Variants in FNIP1 observed in about 807,000 individuals in gnomAD.
FNIP1 encodes folliculin interacting protein 1.
A neutral mutation model predicts 124.5 loss-of-function variants in FNIP1; 40 were observed. The observed-to-expected ratio is 0.32, with a 90% confidence interval of 0.25 to 0.42. The LOEUF is 0.42. Among genes scored for constraint, FNIP1 ranks in the 10% least tolerant of loss-of-function variants. FNIP1 has a pLI of 1.00. For missense variants in FNIP1, 1,176 were observed against 1,403.7 expected (o/e 0.84, Z 2.59); for synonymous variants, 472 against 470.6 (o/e 1.00, Z -0.04).
intron 8 of FNIP1, among the ~76,000 whole-genome samples, chr5:131,707,898 T>G (rs1386702590): frequency 1.3e-5 from 2 of 152,150 alleles, no homozygotes; most frequent in African/African-American, 4.8e-5. Flanking sequence ...ACTTAAATCT[T>G]AAATAAAATA....
At chr5:131,716,185 T>C (rs1223991306) in intron 6 of FNIP1, among the ~76,000 whole-genome samples, 1 of 152,236 alleles carries the variant, frequency 6.6e-6, no homozygotes, top group Non-Finnish European at 1.5e-5. Flanking sequence ...ATAACTTTTA[T>C]GGTTATGGAA....
chr5:131,697,685 G>A (rs1215172787), intron 11 of FNIP1, among the ~76,000 whole-genome samples: 2 of 151,992 alleles, frequency 1.3e-5, no homozygotes, highest in African/African-American at 4.8e-5. Flanking sequence ...TTTACCATAG[G>A]CCAGGCTCAG....
At chr5:131,676,575 A>G (rs1389913438) in intron 13 of FNIP1, among the ~76,000 whole-genome samples, 1 of 152,092 alleles carries the variant, frequency 6.6e-6, no homozygotes, top group East Asian at 2.0e-4. Context: ...CTGGGGGAAC[A>G]TGGCAAAACC....
At chr5:131,715,218 G>A (rs1769427870) in intron 6 of FNIP1, among the ~76,000 whole-genome samples, 1 of 152,156 alleles carries the variant, frequency 6.6e-6, no homozygotes. Context: ...GGGCACGGTG[G>A]CTCACACCTG....
rs759906866 is a variant in FNIP1, at chr5:131,796,823, G to GC, written c.92+6dup. On this transcript the variant is annotated splice_region_variant and intron_variant, in intron 1 of 17. Coordinates refer to ENST00000510461, the MANE Select transcript of FNIP1 (RefSeq NM_133372.3). ...GGCTCCGCGACCCCCGCCCCACAGC[G>GC]CCCTACCTGAACCCGCAATCTGGGT... The GC allele has an allele frequency of 2.3e-5, 36 of 1,574,278 alleles. No homozygotes were observed. The highest frequency in any genetic ancestry group is 3.0e-5 in the Non-Finnish European group (35 of 1,160,686).
At chr5:131,689,818 T>C (rs1174693933) in intron 11 of FNIP1, among the ~76,000 whole-genome samples, 1 of 152,196 alleles carries the variant, frequency 6.6e-6, no homozygotes, top group Non-Finnish European at 1.5e-5. Context: ...ATATCAATTA[T>C]CACTTCAAAT....
intron 15 of FNIP1, among the ~76,000 whole-genome samples, chr5:131,656,057 G>A (rs2149506802): frequency 6.6e-6 from 1 of 152,242 alleles, no homozygotes; most frequent in East Asian, 1.9e-4. Context: ...GGGTGACAGA[G>A]TAAGACTCTG....
At position 131,710,337 on chromosome 5, in the gene FNIP1, C is replaced by A. The variant is rs111444287; in HGVS notation, c.706+241G>T. Among the ~76,000 whole-genome samples the A allele has an allele frequency of 4.7e-3, 710 of 152,242 alleles. 8 individuals are homozygous for A. Among genetic ancestry groups the A allele is most frequent in the African/African-American group, 0.016 (674 of 41,530 alleles). ...TTCTGAAGTTAAAATCATTATGCCA[C>A]AAGAGAAATGACAAACTGAAATTTC... is the stretch of plus-strand genomic sequence containing the variant. On this transcript the variant is annotated intron_variant, in intron 7 of 17. Transcript: ENST00000510461.
chr5:131,698,911 A>C lies in FNIP1; in HGVS notation c.1202+6T>G. On this transcript the variant is annotated splice_donor_region_variant and intron_variant, in intron 11 of 17. Transcript: ENST00000510461. ...ACTGCATTATGGAAAGCTGGGCAAT[A>C]TGTACCTGAATTCATTTAGGGCATC... 3 of 1,601,980 alleles carry C rather than the reference A, an allele frequency of 1.9e-6. No homozygotes were observed. Among genetic ancestry groups the C allele is most frequent in the Non-Finnish European group, 2.6e-6 (3 of 1,175,552 alleles).
chr5:131,704,007 C>A, intron 10 of FNIP1, 58 bp downstream of exon 10: 1 of 1,359,918 alleles, frequency 7.4e-7, no homozygotes, highest in Non-Finnish European at 1.0e-6. Context: ...AAATATAATG[C>A]TTAATTGGGA....
chr5:131,668,774 G>C (rs890245558), intron 15 of FNIP1, among the ~76,000 whole-genome samples: 36 of 152,294 alleles, frequency 2.4e-4, no homozygotes, highest in African/African-American at 8.2e-4. Context: ...ACTCAACTCT[G>C]CTGTTAGGCA....
chr5:131,657,973 G>A (rs1580731305), intron 15 of FNIP1, among the ~76,000 whole-genome samples: 1 of 151,064 alleles, frequency 6.6e-6, no homozygotes, highest in Non-Finnish European at 1.5e-5. Flanking sequence ...CCTGGGAGGC[G>A]GAGCCTGCAG....
intron 1 of FNIP1, among the ~76,000 whole-genome samples, chr5:131,771,538 T>C (rs1008245692): frequency 6.6e-6 from 1 of 152,188 alleles, no homozygotes; most frequent in African/African-American, 2.4e-5. Flanking sequence ...TTGAATTAAT[T>C]AGAAGTTTAC....
chr5:131,724,265 G>C (rs1268221999), intron 3 of FNIP1, among the ~76,000 whole-genome samples: 1 of 152,188 alleles, frequency 6.6e-6, no homozygotes, highest in Non-Finnish European at 1.5e-5. Flanking sequence ...TCTGGATCTA[G>C]ATCCTGGAGG....
chr5:131,744,943 G>A (rs771067077), intron 1 of FNIP1, among the ~76,000 whole-genome samples: 5 of 151,206 alleles, frequency 3.3e-5, no homozygotes, highest in East Asian at 1.9e-4. Flanking sequence ...TAGTTATCTC[G>A]TGATTTTTGA....
intron 1 of FNIP1, among the ~76,000 whole-genome samples, chr5:131,766,736 G>A (rs1771438297): frequency 6.6e-6 from 1 of 152,202 alleles, no homozygotes; most frequent in African/African-American, 2.4e-5. Flanking sequence ...TTCTCAGTCT[G>A]AGGCCAAAGG....
Position 131,752,311 on chromosome 5 carries a change from G to A in FNIP1, c.93-7621C>T, listed in dbSNP as rs529227118. On this transcript the variant is annotated intron_variant, in intron 1 of 17. Transcript: ENST00000510461. ...GCCTGCCTCGGCCTCCCAAAGTGCT[G>A]GGATTACAGGTGTGAGCCACCGCGC... Among the ~76,000 whole-genome samples the A allele has an allele frequency of 4.7e-4, 72 of 152,156 alleles. 1 individual carries two copies. Among genetic ancestry groups the A allele is most frequent in the Non-Finnish European group, 9.3e-4 (63 of 68,004 alleles).
intron 15 of FNIP1, among the ~76,000 whole-genome samples, chr5:131,659,172 T>A (rs73788724): frequency 6.6e-6 from 1 of 152,138 alleles, no homozygotes; most frequent in Non-Finnish European, 1.5e-5. Context: ...AGAGTGACGA[T>A]CTTCTGCACC....
At position 131,788,871 on chromosome 5, in the gene FNIP1, C is replaced by G. The variant is rs570569017; in HGVS notation, c.92+7959G>C. 2.6e-5 allele frequency among the ~76,000 whole-genome samples: 4 copies of G among 152,094 alleles called. No homozygotes were observed. The East Asian group carries it at 7.7e-4, about 29-fold the overall frequency. ...AAAATTATAATATTTGCACTTCTTA[C>G]TGTGAAATTAAACTACCATATGATC... On this transcript the variant is annotated intron_variant, in intron 1 of 17. Transcript: ENST00000510461.
Sources: gnomAD v4.1 joint callset for allele counts (sites outside exome capture counted in the v4.1 genomes callset) on GRCh38, gnomAD v4.1.1 for gene constraint, MANE v1.5 for transcripts, NCBI Gene and HGNC (gene_info 2026-07-23, HGNC 2026-07-21) for gene names.